CCDC146: variants seen among roughly 807,000 people sequenced by gnomAD.
The protein encoded by CCDC146 is coiled-coil domain-containing protein 146.
A neutral mutation model predicts 119.3 loss-of-function variants in CCDC146; 92 were observed. The ratio of observed to expected loss-of-function variants is 0.77; its 90% CI spans 0.65 to 0.92. The LOEUF is 0.92. Among genes scored for constraint, CCDC146 ranks in the 40% least tolerant of loss-of-function variants. CCDC146 has a pLI of 0.00. For synonymous variants in CCDC146, 372 were observed against 371.8 expected (o/e 1.00, Z -0.01); for missense variants, 1,000 against 1,103.0 (o/e 0.91, Z 1.32).
rs148330971 is a variant in CCDC146 at position 77,293,122 on chromosome 7, T to C, written c.2586T>C (p.Asn862=). The C allele has an allele frequency of 4.3e-6, 7 of 1,613,988 alleles. No individual in the cohort carries two copies. In the African/African-American group the frequency reaches 6.7e-5, roughly 15 times the overall value. Residue 862 remains asparagine (N), a synonymous_variant, in exon 18 of 19, where the codon AAT becomes AAC. Coordinates refer to ENST00000285871, the MANE Select transcript of CCDC146 (RefSeq NM_020879.3). ...GGATAGAAAAAGGTCTGCCACTCAA[T>C]AAGGAAATTGAGAAAGAATGGTTGA... is the stretch of plus-strand genomic sequence containing the variant. The part of the protein sequence containing the change: ...NSRIEKGLPL[N]KEIEKEWLKV...
In CCDC146 at chr7:77,295,160, A is replaced by G; in HGVS notation, c.*294A>G. ...TACATTCCAGAAATTTGTAGTAGGC[A>G]AGGTGCTATAAAAATGCACTAAAAA... is the stretch of plus-strand genomic sequence containing the variant. On this transcript the variant is annotated 3_prime_UTR_variant, in exon 19 of 19. Transcript: ENST00000285871. 1 of 262,052 alleles carries G rather than the reference A, an allele frequency of 3.8e-6. No individual in the cohort carries two copies. Among genetic ancestry groups the G allele is most frequent in the Non-Finnish European group, 7.3e-6 (1 of 136,454 alleles). 16.2% of individuals were successfully genotyped at this position (262,052 alleles called of 1,614,324 possible). A position where few individuals can be genotyped will look rare whatever the true frequency, so the allele number is the denominator to read the frequency against.
intron 1 of CCDC146, among the ~76,000 whole-genome samples, chr7:77,130,597 CTT>C (rs34309739): frequency 0.14 from 16,985 of 125,554 alleles, 877 homozygotes; most frequent in Middle Eastern, 0.19. Context: ...TCCTTTCTTT[CTT>C]TTTTTTTTTT....
At chr7:77,151,021 T>C (rs939285870) in intron 1 of CCDC146, among the ~76,000 whole-genome samples, 1 of 152,326 alleles carries the variant, frequency 6.6e-6, no homozygotes, top group Admixed American at 6.5e-5. Context: ...ATAAACAACA[T>C]AAATGTTATT....
chr7:77,183,718 G>A (rs1182321326), intron 2 of CCDC146, among the ~76,000 whole-genome samples: 8 of 152,096 alleles, frequency 5.3e-5, no homozygotes, highest in Admixed American at 1.3e-4. Flanking sequence ...CATGCTCTCC[G>A]CATAGTGCTT....
chr7:77,290,440 TC>T (rs1050696006), intron 17 of CCDC146, among the ~76,000 whole-genome samples: 1 of 151,550 alleles, frequency 6.6e-6, no homozygotes, highest in African/African-American at 2.4e-5. Flanking sequence ...GGAAAATGAC[TC>T]CCCCCAAAGA....
chr7:77,279,659 C>T (rs1793726431), intron 13 of CCDC146, among the ~76,000 whole-genome samples: 2 of 152,188 alleles, frequency 1.3e-5, no homozygotes, highest in Non-Finnish European at 2.9e-5. Context: ...CCTCTGTAAC[C>T]TTGGACAAGC....
At chr7:77,199,733 C>T in intron 2 of CCDC146, 1 of 1,614,070 alleles carries the variant, frequency 6.2e-7, no homozygotes, top group Non-Finnish European at 8.5e-7. Flanking sequence ...TTTGCCACAA[C>T]CAAAAAACCG....
intron 2 of CCDC146, among the ~76,000 whole-genome samples, chr7:77,224,302 G>T (rs1021200211): frequency 3.9e-5 from 6 of 152,138 alleles, no homozygotes; most frequent in African/African-American, 1.4e-4. Flanking sequence ...AGCCACCTAC[G>T]TTCCTTGACT....
chr7:77,212,578 G>A (rs370099850), intron 2 of CCDC146, among the ~76,000 whole-genome samples: 133 of 132,684 alleles, frequency 1.0e-3, no homozygotes, highest in African/African-American at 2.9e-3. Flanking sequence ...CCGAGATCAC[G>A]CCACTGCACT....
intron 1 of CCDC146, among the ~76,000 whole-genome samples, chr7:77,146,016 G>T (rs1791011596): frequency 6.6e-6 from 1 of 151,688 alleles, no homozygotes; most frequent in Non-Finnish European, 1.5e-5. Flanking sequence ...TTGACAGTGG[G>T]GTGTTAAAGT....
At chr7:77,131,816 T>C (rs1790789620) in intron 1 of CCDC146, among the ~76,000 whole-genome samples, 1 of 151,882 alleles carries the variant, frequency 6.6e-6, no homozygotes, top group Admixed American at 6.5e-5. Flanking sequence ...GTGATTCCAC[T>C]TATATGATAT....
At chr7:77,264,257 A>AT (rs146394446) in intron 9 of CCDC146, among the ~76,000 whole-genome samples, 3,656 of 150,908 alleles carry the variant, frequency 0.024, 147 homozygotes, top group African/African-American at 0.083. Flanking sequence ...ATTTACTTTG[A>AT]TTTTTTTTTC....
chr7:77,139,981 G>A (rs1279888743), intron 1 of CCDC146, among the ~76,000 whole-genome samples: 6 of 150,406 alleles, frequency 4.0e-5, no homozygotes, highest in South Asian at 2.1e-4. Flanking sequence ...TGCAACCTCC[G>A]CCTCCTGGGT....
chr7:77,205,748 A>T (rs1050288587), intron 2 of CCDC146, among the ~76,000 whole-genome samples: 1 of 152,222 alleles, frequency 6.6e-6, no homozygotes, highest in Non-Finnish European at 1.5e-5. Flanking sequence ...ATACAGTCAG[A>T]CCCTGTCCCA....
intron 1 of CCDC146, among the ~76,000 whole-genome samples, chr7:77,160,785 T>A (rs1584033123): frequency 6.6e-6 from 1 of 152,072 alleles, no homozygotes; most frequent in African/African-American, 2.4e-5. Context: ...TAATTGCCAA[T>A]GGGATCTAAT....
intron 12 of CCDC146, 48 bp downstream of exon 12, chr7:77,278,888 A>G: frequency 6.3e-7 from 1 of 1,598,036 alleles, no homozygotes; most frequent in Non-Finnish European, 8.6e-7. Flanking sequence ...GGGGAAAAAA[A>G]CCTGATGTTC....
rs1233757075 is a variant in CCDC146, at chr7:77,236,999, A to AGTAT, written c.210_213dup (p.Thr72ValfsTer6). 1.9e-6 allele frequency: 3 copies of AGTAT among 1,614,066 alleles called. No homozygotes were observed. The African/African-American group carries it at 4.0e-5, about 22-fold the overall frequency. ...ACCAGAATGGCAGCGTTAAAAGCCA[A>AGTAT]GTATACCTTGCTGCATGACGCCGTG... On this transcript the variant is annotated frameshift_variant, in exon 3 of 19. Coordinates refer to ENST00000285871, the MANE Select transcript of CCDC146 (RefSeq NM_020879.3). LOFTEE classifies it high-confidence loss of function.
chr7:77,250,002 T>C (rs891351201), intron 4 of CCDC146, among the ~76,000 whole-genome samples: 1 of 152,216 alleles, frequency 6.6e-6, no homozygotes, highest in Non-Finnish European at 1.5e-5. Flanking sequence ...GTGGTTGCCA[T>C]GGAGTTTGCA....
intron 2 of CCDC146, among the ~76,000 whole-genome samples, chr7:77,213,055 A>T (rs1484404407): frequency 7.1e-6 from 1 of 141,400 alleles, no homozygotes. Context: ...TGTCACATGT[A>T]CATATTTATG....
Sources: allele counts gnomAD v4.1 joint callset (sites outside exome capture counted in the v4.1 genomes callset), GRCh38; gene constraint gnomAD v4.1.1; transcripts MANE v1.5; gene names NCBI Gene and HGNC (gene_info 2026-07-23, HGNC 2026-07-21).